The following MLEC variants were observed in gnomAD, a reference collection of about 807,000 sequenced individuals.
MLEC encodes the protein oligosaccharyltransferase complex subunit (non-catalytic).
A neutral mutation model predicts 28.7 loss-of-function variants in MLEC; 7 were observed. The ratio of observed to expected loss-of-function variants is 0.24; its 90% CI spans 0.14 to 0.46. The LOEUF is 0.46. Ranked by LOEUF, MLEC falls within the 20% of genes least tolerant of loss-of-function variation. The pLI, the probability that MLEC is intolerant of heterozygous loss-of-function variation, is 0.99. For synonymous variants in MLEC, 142 were observed against 164.4 expected, an observed-to-expected ratio of 0.86 and a Z score of 1.04; for missense variants, 237 against 391.1, an observed-to-expected ratio of 0.61 and a Z score of 3.32.
In MLEC at chr12:120,696,377, A is replaced by C. The variant is rs199627699; in HGVS notation, c.711A>C (p.Glu237Asp). Residue 237 changes from glutamate to aspartate, a missense_variant, in exon 5 of 5, where the codon GAA (glutamate) becomes GAC (aspartate). Transcript: ENST00000228506. This position sits in a 1 kb window ranked among gnomAD's most constrained non-coding sequence, Gnocchi z 5.4. ...LEKKEEEEEE[E>D]EYDEGSNLKK... is the part of the protein sequence containing the mutation. ...AGAAAGAAGAGGAAGAAGAAGAAGA[A>C]GAATATGATGAAGGGTCTAATCTCA... The C allele has an allele frequency of 2.2e-4, 361 of 1,614,220 alleles. 1 individual carries two copies. The highest frequency in any genetic ancestry group is 3.3e-4 in the Middle Eastern group (2 of 6,062).
At chr12:120,693,046 A>C (rs1174895192) in intron 1 of MLEC, among the ~76,000 whole-genome samples, 1 of 152,218 alleles carries the variant, frequency 6.6e-6, no homozygotes, top group South Asian at 2.1e-4. Context: ...GAAGAAAAAA[A>C]CATATATACA....
At position 120,696,464 on chromosome 12, in the gene MLEC, G is replaced by A. The variant is rs144716658; in HGVS notation, c.798G>A (p.Ser266=). The change falls in exon 5 of 5, where the codon TCG becomes TCA. Residue 266 remains serine (S), a synonymous_variant. Transcript: ENST00000228506. This position sits in a 1 kb window ranked among gnomAD's most constrained non-coding sequence, Gnocchi z 5.4. ...SGPRTPNPYA[S]DNSSLMFPIL... ...CCCGCACACCCAACCCCTATGCCTC[G>A]GACAACAGCAGCCTCATGTTTCCCA... 25 of 1,614,108 alleles carry A rather than the reference G, an allele frequency of 1.5e-5. No homozygotes were observed. The highest frequency in any genetic ancestry group is 4.0e-5 in the African/African-American group (3 of 75,008).
intron 1 of MLEC, among the ~76,000 whole-genome samples, chr12:120,689,488 T>C (rs1720926921): frequency 6.6e-6 from 1 of 151,718 alleles, no homozygotes; most frequent in African/African-American, 2.4e-5. Context: ...GGATGGGGAG[T>C]GGGAGGTGGC....
At chr12:120,690,377 A>T (rs1881994424) in intron 1 of MLEC, among the ~76,000 whole-genome samples, 1 of 152,136 alleles carries the variant, frequency 6.6e-6, no homozygotes, top group African/African-American at 2.4e-5. Flanking sequence ...AGACCTGGTT[A>T]TTTGACCTGA....
Position 120,694,828 on chromosome 12 carries a change from T to C in MLEC, c.419T>C (p.Phe140Ser). 2 of 1,610,604 alleles carry C rather than the reference T, an allele frequency of 1.2e-6. No individual in the cohort carries two copies. Among genetic ancestry groups the C allele is most frequent in the Non-Finnish European group, 8.5e-7 (1 of 1,177,652 alleles). Residue 140 changes from phenylalanine (F) to serine (S), a missense_variant, in exon 3 of 5, where the codon TTT becomes TCT. By Grantham distance (155) the Phe-to-Ser change is radical. Coordinates refer to ENST00000228506, the MANE Select transcript of MLEC (RefSeq NM_014730.4). The surrounding 1 kb of genome is among the most constrained non-coding windows in gnomAD (Gnocchi z 4.5). ...TTTCTTTTCTTATCCTGGAAGGTAT[T>C]TGATGTACGATTGAATGGCCACGTC... ...VYFAQSQQKVFDVRLNGHVVV... is the reference protein window; with the variant it reads ...VYFAQSQQKVSDVRLNGHVVV...
In MLEC at chr12:120,694,889, G is replaced by T. The variant is rs1421907985; in HGVS notation, c.480G>T (p.Gly160=). The T allele has an allele frequency of 6.2e-7, 1 of 1,614,172 alleles. No individual in the cohort carries two copies. Among genetic ancestry groups the T allele is most frequent in the Non-Finnish European group, 8.5e-7 (1 of 1,180,028 alleles). ...VKDLDIFDRV[G]HSTAHDEIIP... Reference sequence around the variant, plus strand: ...ACTTGGATATCTTTGATCGTGTTGGGCATAGCACAGCTCACGATGAAATTA... The same window carrying T: ...ACTTGGATATCTTTGATCGTGTTGGTCATAGCACAGCTCACGATGAAATTA... The change falls in exon 3 of 5, where the codon GGG becomes GGT. Residue 160 remains glycine, a synonymous_variant. Transcript: ENST00000228506. This position sits in a 1 kb window ranked among gnomAD's most constrained non-coding sequence, Gnocchi z 4.5.
At chr12:120,689,712 A>G (rs1881967002) in intron 1 of MLEC, among the ~76,000 whole-genome samples, 1 of 152,196 alleles carries the variant, frequency 6.6e-6, no homozygotes, top group African/African-American at 2.4e-5. Flanking sequence ...TGTGCCAGGT[A>G]TTTGAAGACC....
chr12:120,696,283 T>C lies in MLEC; in HGVS notation c.650-33T>C, dbSNP rs1274107789. On this transcript the variant is annotated intron_variant, in intron 4 of 4. Transcript: ENST00000228506. This position sits in a 1 kb window ranked among gnomAD's most constrained non-coding sequence, Gnocchi z 5.4. The stretch of plus-strand genomic sequence containing the variant: ...AAGGGTCTCTCTTACTTAAATGCTG[T>C]GGGTCTTAACAGTGTTTTCTTCCTT... The C allele has an allele frequency of 6.2e-7, 1 of 1,610,190 alleles. No individual in the cohort carries two copies. The highest frequency in any genetic ancestry group is 8.5e-7 in the Non-Finnish European group (1 of 1,178,106).
rs553930575 is a variant in MLEC at position 120,694,892 on chromosome 12, T to C, written c.483T>C (p.His161=). The change falls in exon 3 of 5, where the codon CAT becomes CAC. Residue 161 remains histidine, a synonymous_variant. Transcript: ENST00000228506. The surrounding 1 kb of genome is among the most constrained non-coding windows in gnomAD (Gnocchi z 4.5). The part of the protein sequence containing the change: ...KDLDIFDRVG[H]STAHDEIIPM... ...TGGATATCTTTGATCGTGTTGGGCATAGCACAGCTCACGATGAAATTATAC... is the reference window on the plus strand; with the variant it reads ...TGGATATCTTTGATCGTGTTGGGCACAGCACAGCTCACGATGAAATTATAC... The C allele has an allele frequency of 1.2e-4, 198 of 1,614,196 alleles. 3 individuals are homozygous for C. The South Asian group carries it at 1.8e-3, about 15-fold the overall frequency.
Position 120,694,853 on chromosome 12 carries a change from C to A in MLEC, c.444C>A (p.Val148=). Residue 148 remains valine (V), a synonymous_variant, in exon 3 of 5, where the codon GTC becomes GTA. Transcript: ENST00000228506. The surrounding 1 kb of genome is among the most constrained non-coding windows in gnomAD (Gnocchi z 4.5). The part of the protein sequence containing the change: ...KVFDVRLNGH[V]VVKDLDIFDR... ...TTGATGTACGATTGAATGGCCACGT[C>A]GTGGTGAAGGACTTGGATATCTTTG... The A allele has an allele frequency of 6.2e-7, 1 of 1,613,438 alleles. No individual in the cohort carries two copies. The highest frequency in any genetic ancestry group is 1.1e-5 in the South Asian group (1 of 90,976).
In MLEC at chr12:120,700,638, A is replaced by C. The variant is rs1566016577; in HGVS notation, c.*4093A>C. On this transcript the variant is annotated 3_prime_UTR_variant, in exon 5 of 5. Coordinates refer to ENST00000228506, the MANE Select transcript of MLEC (RefSeq NM_014730.4). The surrounding 1 kb of genome is among the most constrained non-coding windows in gnomAD (Gnocchi z 4.0). Reference sequence around the variant, plus strand: ...GGAAAGATATAATTAACGATCAAAGAGCTCTAAGAAAATTGCAAAGAAGCC... The same window carrying C: ...GGAAAGATATAATTAACGATCAAAGCGCTCTAAGAAAATTGCAAAGAAGCC... 4 of 152,192 alleles carry C rather than the reference A, an allele frequency of 2.6e-5. No individual in the cohort carries two copies. Among genetic ancestry groups the C allele is most frequent in the Non-Finnish European group, 5.9e-5 (4 of 68,020 alleles). The allele number at this position is 152,192 out of a possible 1,614,324, so 9.4% of individuals were successfully genotyped here.
At chr12:120,689,114 C>G (rs1881939671) in intron 1 of MLEC, among the ~76,000 whole-genome samples, 1 of 152,142 alleles carries the variant, frequency 6.6e-6, no homozygotes, top group East Asian at 1.9e-4. Context: ...GTCTGTTGTG[C>G]AGAGAATAAA....
Position 120,696,838 on chromosome 12 carries a change from T to G in MLEC, c.*293T>G. On this transcript the variant is annotated 3_prime_UTR_variant, in exon 5 of 5. Transcript: ENST00000228506. The surrounding 1 kb of genome is among the most constrained non-coding windows in gnomAD (Gnocchi z 5.4). Reference sequence around the variant, plus strand: ...ATCCTTCCTGCTCAAGGATCCTCATTTGTATACCTAGTGGAAAGGACTCTG... The same window carrying G: ...ATCCTTCCTGCTCAAGGATCCTCATGTGTATACCTAGTGGAAAGGACTCTG... 1 of 416,096 alleles carries G rather than the reference T, an allele frequency of 2.4e-6. No homozygotes were observed. The highest frequency in any genetic ancestry group is 4.4e-6 in the Non-Finnish European group (1 of 229,348). 25.8% of individuals were successfully genotyped at this position (416,096 alleles called of 1,614,324 possible).
intron 1 of MLEC, among the ~76,000 whole-genome samples, chr12:120,690,334 C>T (rs80344090): frequency 0.026 from 3,951 of 152,174 alleles, 87 homozygotes; most frequent in South Asian, 0.051. Context: ...GTAACTTGGT[C>T]ATTTTGAGTT....
At position 120,696,732 on chromosome 12, in the gene MLEC, G is replaced by T; in HGVS notation, c.*187G>T. On this transcript the variant is annotated 3_prime_UTR_variant, in exon 5 of 5. Coordinates refer to ENST00000228506, the MANE Select transcript of MLEC (RefSeq NM_014730.4). The surrounding 1 kb of genome is among the most constrained non-coding windows in gnomAD (Gnocchi z 5.4). ...AGCCCTCATTCACCACCTGGTCCCA[G>T]ACGTGCTTCAGTCCTCGTCCTCTCT... The T allele has an allele frequency of 1.2e-6, 1 of 800,974 alleles. No homozygotes were observed. The highest frequency in any genetic ancestry group is 1.9e-6 in the Non-Finnish European group (1 of 520,852). 49.6% of individuals were successfully genotyped at this position (800,974 alleles called of 1,614,324 possible).
intron 1 of MLEC, among the ~76,000 whole-genome samples, chr12:120,688,869 C>T (rs996187252): frequency 2.0e-5 from 3 of 152,238 alleles, no homozygotes; most frequent in African/African-American, 7.2e-5. Context: ...GGGCTCCAGT[C>T]TTTAGCAGCG....
At position 120,699,955 on chromosome 12, in the gene MLEC, A is replaced by T. The variant is rs1359591445; in HGVS notation, c.*3410A>T. The T allele has an allele frequency of 1.3e-5, 2 of 152,510 alleles. No individual in the cohort carries two copies. The highest frequency in any genetic ancestry group is 2.9e-5 in the Non-Finnish European group (2 of 68,038). 9.4% of individuals were successfully genotyped at this position (152,510 alleles called of 1,614,324 possible). On this transcript the variant is annotated 3_prime_UTR_variant, in exon 5 of 5. Coordinates refer to ENST00000228506, the MANE Select transcript of MLEC (RefSeq NM_014730.4). Reference sequence around the variant, plus strand: ...TTGGGAGAAGCTTCTGTTTTAAGGAATTTCTCTTCCTTCTTCTCCTGCCTC... The same window carrying T: ...TTGGGAGAAGCTTCTGTTTTAAGGATTTTCTCTTCCTTCTTCTCCTGCCTC...
chr12:120,696,795 A>T lies in MLEC; in HGVS notation c.*250A>T, dbSNP rs1882260340. The T allele has an allele frequency of 1.8e-6, 1 of 543,554 alleles. No individual in the cohort carries two copies. The highest frequency in any genetic ancestry group is 3.4e-5 in the Admixed American group (1 of 29,300). 33.7% of individuals were successfully genotyped at this position (543,554 alleles called of 1,614,324 possible). On this transcript the variant is annotated 3_prime_UTR_variant, in exon 5 of 5. Coordinates refer to ENST00000228506, the MANE Select transcript of MLEC (RefSeq NM_014730.4). This position sits in a 1 kb window ranked among gnomAD's most constrained non-coding sequence, Gnocchi z 5.4. ...CCCAGCCTTCTCTTTCCTCTTGAGG[A>T]TACTTAGGGTAAACTGGATCCTTCC...
chr12:120,687,634 T>C lies in MLEC; in HGVS notation c.235+103T>C. 2.3e-6 allele frequency: 2 copies of C among 885,310 alleles called. No individual in the cohort carries two copies. Among genetic ancestry groups the C allele is most frequent in the South Asian group, 2.5e-5 (1 of 39,724 alleles). 54.8% of individuals were successfully genotyped at this position (885,310 alleles called of 1,614,324 possible). A position where few individuals can be genotyped will look rare whatever the true frequency, so the allele number is the denominator to read the frequency against. On this transcript the variant is annotated intron_variant, in intron 1 of 4. Coordinates refer to ENST00000228506, the MANE Select transcript of MLEC (RefSeq NM_014730.4). The surrounding 1 kb of genome is among the most constrained non-coding windows in gnomAD (Gnocchi z 8.1). ...AGCCCCTTTCGACCCTGGGGCCGCG[T>C]CTCTGGAGCGAAGTTTCTCTCTGCA...
Sources: allele counts gnomAD v4.1 joint callset (sites outside exome capture counted in the v4.1 genomes callset), GRCh38; gene constraint gnomAD v4.1.1; non-coding constraint Gnocchi (gnomAD v3.1); transcripts MANE v1.5; gene names NCBI Gene and HGNC (gene_info 2026-07-23, HGNC 2026-07-21).